E2F3: variants seen among roughly 807,000 people sequenced by gnomAD.
The protein encoded by E2F3 is transcription factor E2F3.
E2F3 carries 11 observed loss-of-function variants against 44.4 expected under a neutral mutation model. The observed-to-expected ratio is 0.25, with a 90% confidence interval of 0.16 to 0.41. The LOEUF (loss-of-function observed/expected upper bound fraction) is 0.41. Among genes scored for constraint, E2F3 ranks in the 10% least tolerant of loss-of-function variants. The pLI is 1.00. For synonymous variants in E2F3, 249 were observed against 253.0 expected, an observed-to-expected ratio of 0.98 and a Z score of 0.15; for missense variants, 487 against 583.6, an observed-to-expected ratio of 0.83 and a Z score of 1.70.
intron 5 of E2F3, among the ~76,000 whole-genome samples, chr6:20,487,777 G>A (rs1162517896): frequency 6.6e-6 from 1 of 152,116 alleles, no homozygotes; most frequent in Admixed American, 6.5e-5. Context: ...TTGGCTTTGC[G>A]AGCCGTACAG....
chr6:20,462,623 A>G (rs2127608069), intron 1 of E2F3, among the ~76,000 whole-genome samples: 1 of 151,298 alleles, frequency 6.6e-6, no homozygotes, highest in East Asian at 2.0e-4. Context: ...TTACCTTGCA[A>G]ATTTTTGTAT....
chr6:20,463,525 C>G (rs1010941671), intron 1 of E2F3, among the ~76,000 whole-genome samples: 1 of 152,172 alleles, frequency 6.6e-6, no homozygotes, highest in South Asian at 2.1e-4. Flanking sequence ...AATATTTTCT[C>G]TATTCTACTG....
chr6:20,437,643 G>A (rs1760635548), intron 1 of E2F3, among the ~76,000 whole-genome samples: 4 of 152,170 alleles, frequency 2.6e-5, no homozygotes, highest in Non-Finnish European at 4.4e-5. Context: ...GTTAAGGAGA[G>A]CACAGAGCCA....
rs1201942675 is a variant in E2F3 at position 20,490,909 on chromosome 6, A to G, written c.*479A>G. The G allele has an allele frequency of 8.7e-6, 2 of 229,110 alleles. No homozygotes were observed. The highest frequency in any genetic ancestry group is 1.1e-4 in the Admixed American group (2 of 17,612). The allele number at this position is 229,110 out of a possible 1,614,324, so 14.2% of individuals were successfully genotyped here. On this transcript the variant is annotated 3_prime_UTR_variant, in exon 7 of 7. Coordinates refer to ENST00000346618, the MANE Select transcript of E2F3 (RefSeq NM_001949.5). This position sits in a 1 kb window ranked among gnomAD's most constrained non-coding sequence, Gnocchi z 4.3. The stretch of plus-strand genomic sequence containing the variant: ...CTAATATGGAATGGAACTGCAGCAA[A>G]TGCAAACTTGAAGTCATGCAAAAGT...
intron 1 of E2F3, among the ~76,000 whole-genome samples, chr6:20,439,497 G>A (rs956215011): frequency 2.0e-5 from 3 of 152,138 alleles, no homozygotes; most frequent in Non-Finnish European, 4.4e-5. Flanking sequence ...CAAGTGCAGT[G>A]ACATGTCCCT....
chr6:20,413,043 G>T (rs2127586269), intron 1 of E2F3, among the ~76,000 whole-genome samples: 1 of 152,278 alleles, frequency 6.6e-6, no homozygotes, highest in South Asian at 2.1e-4. Context: ...ACAGCCAGGG[G>T]TTAATGGCCT....
At chr6:20,403,270 C>T (rs906519986) in intron 1 of E2F3, among the ~76,000 whole-genome samples, 12 of 152,010 alleles carry the variant, frequency 7.9e-5, no homozygotes, top group Non-Finnish European at 1.5e-4. Context: ...GGGGCGTGGG[C>T]TGTCTGGGGT....
chr6:20,476,153 C>T (rs555127816), intron 1 of E2F3, among the ~76,000 whole-genome samples: 4 of 152,126 alleles, frequency 2.6e-5, no homozygotes, highest in South Asian at 4.2e-4. Context: ...AGGCGGATCA[C>T]GAGGTCAGGA....
chr6:20,447,820 G>C (rs149237013), intron 1 of E2F3, among the ~76,000 whole-genome samples: 1 of 152,258 alleles, frequency 6.6e-6, no homozygotes, highest in East Asian at 1.9e-4. Flanking sequence ...TCAGAATTAA[G>C]CAACCAGGAG....
At chr6:20,409,020 T>C (rs1392683956) in intron 1 of E2F3, among the ~76,000 whole-genome samples, 1 of 152,256 alleles carries the variant, frequency 6.6e-6, no homozygotes, top group African/African-American at 2.4e-5. Flanking sequence ...GGCCCAGTGC[T>C]GTTAAATTAC....
At chr6:20,443,798 A>T (rs58245985) in intron 1 of E2F3, among the ~76,000 whole-genome samples, 4,946 of 152,288 alleles carry the variant, frequency 0.032, 273 homozygotes, top group African/African-American at 0.11. Context: ...AAGAAAAATT[A>T]TTTGAGAGTT....
At chr6:20,470,906 A>T (rs1231479997) in intron 1 of E2F3, among the ~76,000 whole-genome samples, 1 of 152,202 alleles carries the variant, frequency 6.6e-6, no homozygotes, top group Non-Finnish European at 1.5e-5. Flanking sequence ...TGAATGGTAC[A>T]TAAGACATTC....
At chr6:20,470,526 T>A (rs1310917831) in intron 1 of E2F3, among the ~76,000 whole-genome samples, 1 of 152,260 alleles carries the variant, frequency 6.6e-6, no homozygotes, top group Non-Finnish European at 1.5e-5. Context: ...TGGTCTGCTA[T>A]GAAGCTGGAA....
intron 1 of E2F3, among the ~76,000 whole-genome samples, chr6:20,472,899 A>C (rs1283827800): frequency 6.6e-6 from 1 of 152,250 alleles, no homozygotes; most frequent in Non-Finnish European, 1.5e-5. Context: ...TTATGCAGCT[A>C]TGAGAAATGA....
intron 1 of E2F3, among the ~76,000 whole-genome samples, chr6:20,458,519 G>T (rs914508708): frequency 6.6e-6 from 1 of 152,154 alleles, no homozygotes; most frequent in Admixed American, 6.5e-5. Flanking sequence ...GGTGGTGCTT[G>T]CCGGTGGACC....
intron 1 of E2F3, chr6:20,445,231 T>C (rs1323508669): frequency 2.4e-6 from 2 of 819,022 alleles, no homozygotes; most frequent in Admixed American, 6.2e-5. Flanking sequence ...AAAATTAGAA[T>C]GTGTATATTT....
At chr6:20,475,391 G>A (rs1259786069) in intron 1 of E2F3, among the ~76,000 whole-genome samples, 2 of 152,202 alleles carry the variant, frequency 1.3e-5, no homozygotes, top group African/African-American at 4.8e-5. Flanking sequence ...CTGGGAGGGA[G>A]AGATAAAACT....
At chr6:20,429,673 A>G (rs910338664) in intron 1 of E2F3, among the ~76,000 whole-genome samples, 1 of 151,756 alleles carries the variant, frequency 6.6e-6, no homozygotes, top group Non-Finnish European at 1.5e-5. Context: ...GATATGTACA[A>G]TTTTGAGACC....
intron 1 of E2F3, among the ~76,000 whole-genome samples, chr6:20,456,864 A>G (rs886980562): frequency 1.3e-5 from 2 of 152,234 alleles, no homozygotes; most frequent in African/African-American, 2.4e-5. Context: ...AAAGTTGGTT[A>G]TAAGAATCCC....
Sources: allele counts gnomAD v4.1 joint callset (sites outside exome capture counted in the v4.1 genomes callset), GRCh38; gene constraint gnomAD v4.1.1; non-coding constraint Gnocchi (gnomAD v3.1); transcripts MANE v1.5; gene names NCBI Gene and HGNC (gene_info 2026-07-23, HGNC 2026-07-21).